The following SGCZ variants were observed in gnomAD, a reference collection of about 807,000 sequenced individuals.
SGCZ encodes zeta-sarcoglycan.
In SGCZ, 40 loss-of-function variants were observed where a neutral mutation model predicts 41.3. The observed-to-expected ratio is 0.97, with a 90% CI of 0.75 to 1.26. SGCZ has a LOEUF of 1.26. Among genes scored for constraint, SGCZ ranks in the 50% most tolerant of loss-of-function variants. SGCZ has a pLI of 0.00. For synonymous variants in SGCZ, 206 were observed against 137.5 expected (o/e 1.50, Z -3.49); for missense variants, 552 against 369.8 (o/e 1.49, Z -4.04).
intron 1 of SGCZ, among the ~76,000 whole-genome samples, chr8:14,757,436 C>T (rs1799714947): frequency 6.6e-6 from 1 of 152,204 alleles, no homozygotes; most frequent in African/African-American, 2.4e-5. Flanking sequence ...CTGTCTGAAG[C>T]AGGAGTACTG....
At chr8:14,112,172 T>A (rs762491681) in intron 5 of SGCZ, among the ~76,000 whole-genome samples, 9 of 151,402 alleles carry the variant, frequency 5.9e-5, no homozygotes, top group Non-Finnish European at 1.2e-4. Context: ...AGGCAGGAAA[T>A]TATATTTTTA....
chr8:14,786,011 C>A (rs1161306136), intron 1 of SGCZ, among the ~76,000 whole-genome samples: 1 of 133,768 alleles, frequency 7.5e-6, no homozygotes, highest in Non-Finnish European at 1.5e-5. Context: ...AAGAAAATTT[C>A]TGTTTAGAGA....
rs1804363194 is a variant in SGCZ at position 14,171,026 on chromosome 8, CT to C, written c.425-6325del. Among the ~76,000 whole-genome samples the C allele has an allele frequency of 2.0e-5, 3 of 151,798 alleles. No homozygotes were observed. The South Asian group carries it at 6.2e-4, about 31-fold the overall frequency. ...GCAGTTGTTAATGTCAAAAATGTTACTGTATAATTTATGGAAGGTATGTGGG... is the reference window on the plus strand; with the variant it reads ...GCAGTTGTTAATGTCAAAAATGTTACGTATAATTTATGGAAGGTATGTGGG... On this transcript the variant is annotated intron_variant, in intron 4 of 7. Coordinates refer to ENST00000382080, the MANE Select transcript of SGCZ (RefSeq NM_139167.4).
intron 4 of SGCZ, among the ~76,000 whole-genome samples, chr8:14,191,385 A>C (rs967082628): frequency 6.6e-6 from 1 of 152,144 alleles, no homozygotes; most frequent in African/African-American, 2.4e-5. Flanking sequence ...GCCATATGAC[A>C]CTATCCAAAA....
At chr8:14,840,053 C>A (rs1048787247) in intron 1 of SGCZ, among the ~76,000 whole-genome samples, 2 of 152,022 alleles carry the variant, frequency 1.3e-5, no homozygotes, top group African/African-American at 2.4e-5. Context: ...CCAAACAACA[C>A]CCTTAGTCGT....
intron 1 of SGCZ, among the ~76,000 whole-genome samples, chr8:14,802,983 T>C (rs1801375181): frequency 1.3e-5 from 2 of 152,184 alleles, no homozygotes; most frequent in African/African-American, 4.8e-5. Flanking sequence ...GCAGACAGCC[T>C]TGACTCTGCT....
At chr8:14,480,256 G>C (rs1203358420) in intron 2 of SGCZ, among the ~76,000 whole-genome samples, 2 of 152,074 alleles carry the variant, frequency 1.3e-5, no homozygotes, top group African/African-American at 4.8e-5. Context: ...ATATATTCTA[G>C]TACATTACAC....
intron 3 of SGCZ, among the ~76,000 whole-genome samples, chr8:14,304,819 T>C (rs1801300023): frequency 6.6e-6 from 1 of 152,148 alleles, no homozygotes; most frequent in African/African-American, 2.4e-5. Flanking sequence ...CAATGGTAAT[T>C]CCAGAAATAG....
At chr8:14,122,828 T>C (rs1012735216) in intron 5 of SGCZ, among the ~76,000 whole-genome samples, 2 of 95,460 alleles carry the variant, frequency 2.1e-5, no homozygotes, top group East Asian at 5.4e-4. Context: ...TTGGGAAACA[T>C]TATCACATCT....
chr8:14,462,243 C>T (rs1026150273), intron 2 of SGCZ, among the ~76,000 whole-genome samples: 1 of 151,456 alleles, frequency 6.6e-6, no homozygotes, highest in African/African-American at 2.4e-5. Flanking sequence ...AAGCAACTAA[C>T]TATACTAAAT....
At chr8:14,240,259 T>G (rs1474649863) in intron 3 of SGCZ, among the ~76,000 whole-genome samples, 3 of 141,122 alleles carry the variant, frequency 2.1e-5, no homozygotes, top group Non-Finnish European at 3.0e-5. Context: ...AGCTGGGAGG[T>G]GGAGGATTCA....
intron 1 of SGCZ, among the ~76,000 whole-genome samples, chr8:15,164,495 GT>G (rs1377579131): frequency 2.0e-5 from 3 of 152,032 alleles, no homozygotes; most frequent in Non-Finnish European, 4.4e-5. Context: ...CAGCCCAGGG[GT>G]TTTACTCCCT....
At chr8:14,544,132 T>C (rs552021587) in intron 2 of SGCZ, among the ~76,000 whole-genome samples, 2 of 152,278 alleles carry the variant, frequency 1.3e-5, no homozygotes, top group African/African-American at 4.8e-5. Flanking sequence ...GCTAGAGCTG[T>C]GGCAGCGGAA....
intron 1 of SGCZ, among the ~76,000 whole-genome samples, chr8:14,867,287 C>A (rs1455542582): frequency 6.6e-6 from 1 of 151,974 alleles, no homozygotes. Flanking sequence ...TGATCATGTC[C>A]TTTTTAAGAG....
intron 2 of SGCZ, among the ~76,000 whole-genome samples, chr8:14,449,345 G>A (rs1391397302): frequency 6.6e-6 from 1 of 152,152 alleles, no homozygotes; most frequent in Non-Finnish European, 1.5e-5. Flanking sequence ...AATACAAGAT[G>A]AATGATGTGC....
chr8:15,215,482 C>G (rs1224578770), intron 1 of SGCZ, among the ~76,000 whole-genome samples: 1 of 152,164 alleles, frequency 6.6e-6, no homozygotes, highest in African/African-American at 2.4e-5. Context: ...GGAACATACA[C>G]ACACCTACAT....
intron 5 of SGCZ, among the ~76,000 whole-genome samples, chr8:14,137,992 T>C (rs1052178586): frequency 6.6e-6 from 1 of 152,110 alleles, no homozygotes; most frequent in African/African-American, 2.4e-5. Flanking sequence ...TCAGCAGAAA[T>C]TCTACAAGCC....
intron 1 of SGCZ, among the ~76,000 whole-genome samples, chr8:14,684,351 AG>A (rs1808539576): frequency 6.6e-6 from 1 of 152,170 alleles, no homozygotes; most frequent in Non-Finnish European, 1.5e-5. Context: ...TGTATTGAAA[AG>A]TCATGGCAAC....
chr8:15,057,424 A>C (rs781432414), intron 1 of SGCZ, among the ~76,000 whole-genome samples: 5 of 152,196 alleles, frequency 3.3e-5, no homozygotes, highest in Non-Finnish European at 5.9e-5. Flanking sequence ...TTTCAATACT[A>C]TTGCATACCA....
Sources: gnomAD v4.1 joint callset for allele counts (sites outside exome capture counted in the v4.1 genomes callset) on GRCh38, gnomAD v4.1.1 for gene constraint, MANE v1.5 for transcripts, NCBI Gene and HGNC (gene_info 2026-07-23, HGNC 2026-07-21) for gene names.